The following LDLRAD4 variants were observed in gnomAD, a reference collection of about 807,000 sequenced individuals.
LDLRAD4 encodes low density lipoprotein receptor class A domain containing 4, also known as low-density lipoprotein receptor class A domain-containing protein 4.
Under a neutral mutation model 17.0 loss-of-function variants are expected in LDLRAD4, and 5 were observed. The ratio of observed to expected loss-of-function variants is 0.29; its 90% CI spans 0.15 to 0.62. LDLRAD4 has a LOEUF of 0.62. LDLRAD4 is among the 20% of genes least tolerant of loss of function. The pLI is 0.84. For missense variants in LDLRAD4, 340 were observed against 424.7 expected, an observed-to-expected ratio of 0.80 and a Z score of 1.75; for synonymous variants, 168 against 171.8, an observed-to-expected ratio of 0.98 and a Z score of 0.17.
intron 3 of LDLRAD4, among the ~76,000 whole-genome samples, chr18:13,576,840 A>G (rs543207610): frequency 1.3e-5 from 2 of 152,372 alleles, no homozygotes; most frequent in South Asian, 4.1e-4. Flanking sequence ...TGGCCATCTC[A>G]GGAGGGCCTG....
chr18:13,457,183 TG>T (rs1219145946), intron 3 of LDLRAD4, among the ~76,000 whole-genome samples: 1 of 152,236 alleles, frequency 6.6e-6, no homozygotes, highest in Non-Finnish European at 1.5e-5. Flanking sequence ...GGCTTCAGGT[TG>T]GGGTTCTCAC....
At position 13,390,589 on chromosome 18, in the gene LDLRAD4, A is replaced by C. The variant is rs575825926; in HGVS notation, c.40+2827A>C. 6.8e-4 allele frequency among the ~76,000 whole-genome samples: 103 copies of C among 152,284 alleles called. 1 individual carries two copies. The South Asian group carries it at 0.021, about 31-fold the overall frequency. ...TGGCTCACTTTAAAGTCTGGGAAGC[A>C]CTGGGAGCTGGCACCCAGCAGAGCA... On this transcript the variant is annotated intron_variant, in intron 2 of 5. Transcript: ENST00000359446.
intron 1 of LDLRAD4, among the ~76,000 whole-genome samples, chr18:13,322,186 CCTT>C (rs1217882787): frequency 6.6e-6 from 1 of 151,472 alleles, no homozygotes; most frequent in Non-Finnish European, 1.5e-5. Flanking sequence ...CTACATTATC[CCTT>C]CTTAATTTTT....
At chr18:13,395,051 T>C (rs887148872) in intron 2 of LDLRAD4, among the ~76,000 whole-genome samples, 3 of 152,156 alleles carry the variant, frequency 2.0e-5, no homozygotes, top group Non-Finnish European at 4.4e-5. Context: ...AAGGCATTGC[T>C]TCCAGGAGGA....
intron 4 of LDLRAD4, among the ~76,000 whole-genome samples, chr18:13,629,501 A>C (rs1485081827): frequency 1.3e-5 from 2 of 152,246 alleles, no homozygotes; most frequent in African/African-American, 4.8e-5. Context: ...GAATGTATTC[A>C]TGTATTACCT....
intron 3 of LDLRAD4, among the ~76,000 whole-genome samples, chr18:13,454,846 C>G (rs2092040064): frequency 6.6e-6 from 1 of 152,258 alleles, no homozygotes; most frequent in Non-Finnish European, 1.5e-5. Context: ...GATCAGACCA[C>G]TCCAAGCCCT....
At chr18:13,633,590 C>T (rs548707475) in intron 4 of LDLRAD4, among the ~76,000 whole-genome samples, 3 of 152,342 alleles carry the variant, frequency 2.0e-5, no homozygotes, top group South Asian at 2.1e-4. Context: ...GGCATATCAG[C>T]GCTGCCCCAA....
At chr18:13,444,951 G>A (rs183123777) in intron 3 of LDLRAD4, among the ~76,000 whole-genome samples, 13 of 152,316 alleles carry the variant, frequency 8.5e-5, no homozygotes, top group African/African-American at 3.1e-4. Flanking sequence ...CATAAGGCTG[G>A]TGCCCACAAA....
chr18:13,630,214 G>A (rs560436896), intron 4 of LDLRAD4, among the ~76,000 whole-genome samples: 1 of 152,258 alleles, frequency 6.6e-6, no homozygotes, highest in East Asian at 1.9e-4. Flanking sequence ...TTTCTCTTAA[G>A]GGACGTGCCC....
At chr18:13,610,131 T>C (rs1294996782) in intron 3 of LDLRAD4, among the ~76,000 whole-genome samples, 1 of 152,136 alleles carries the variant, frequency 6.6e-6, no homozygotes, top group Non-Finnish European at 1.5e-5. Flanking sequence ...TTTCTTTTTT[T>C]ATATATGAAA....
intron 1 of LDLRAD4, among the ~76,000 whole-genome samples, chr18:13,237,704 C>T (rs2042405150): frequency 6.6e-6 from 1 of 152,240 alleles, no homozygotes; most frequent in Non-Finnish European, 1.5e-5. Context: ...ACTGTGATCA[C>T]TCAAGACCTC....
At chr18:13,490,835 ATTTT>A in intron 3 of LDLRAD4, among the ~76,000 whole-genome samples, 1 of 152,128 alleles carries the variant, frequency 6.6e-6, no homozygotes, top group Non-Finnish European at 1.5e-5. Flanking sequence ...CAGGATGTGC[ATTTT>A]TGCACATCCT....
intron 1 of LDLRAD4, among the ~76,000 whole-genome samples, chr18:13,313,602 A>T (rs1227922534): frequency 6.6e-6 from 1 of 152,180 alleles, no homozygotes; most frequent in African/African-American, 2.4e-5. Flanking sequence ...CGCACGGGGA[A>T]CTCAAGTTAG....
At chr18:13,610,308 G>A (rs2039422615) in intron 3 of LDLRAD4, among the ~76,000 whole-genome samples, 1 of 33,312 alleles carries the variant, frequency 3.0e-5, no homozygotes, top group African/African-American at 8.5e-5. Context: ...TTTTTTTTGA[G>A]ACGGAGTCTC....
chr18:13,283,219 T>C (rs1321135907), intron 1 of LDLRAD4, among the ~76,000 whole-genome samples: 1 of 152,240 alleles, frequency 6.6e-6, no homozygotes, highest in African/African-American at 2.4e-5. Context: ...AGATTAACAT[T>C]AGGCTTCTTG....
chr18:13,445,568 ATG>A (rs949013000), intron 3 of LDLRAD4, among the ~76,000 whole-genome samples: 74 of 148,584 alleles, frequency 5.0e-4, no homozygotes, highest in East Asian at 2.4e-3. Flanking sequence ...GTGTTTGTGC[ATG>A]TGTGTGTGTA....
At chr18:13,356,103 C>G (rs1378133205) in intron 1 of LDLRAD4, among the ~76,000 whole-genome samples, 1 of 152,218 alleles carries the variant, frequency 6.6e-6, no homozygotes, top group African/African-American at 2.4e-5. Flanking sequence ...CAGCACAATC[C>G]CATGAGACCT....
intron 3 of LDLRAD4, among the ~76,000 whole-genome samples, chr18:13,617,366 T>A (rs2040190778): frequency 6.6e-6 from 1 of 152,222 alleles, no homozygotes; most frequent in Non-Finnish European, 1.5e-5. Flanking sequence ...ATGTTCCATG[T>A]GCTGTGTCAG....
chr18:13,347,347 A>T (rs1285577440), intron 1 of LDLRAD4, among the ~76,000 whole-genome samples: 1 of 152,152 alleles, frequency 6.6e-6, no homozygotes, highest in Non-Finnish European at 1.5e-5. Flanking sequence ...GTTTGGCTGG[A>T]TATGAAATTC....
Sources: allele counts gnomAD v4.1 joint callset (sites outside exome capture counted in the v4.1 genomes callset), GRCh38; gene constraint gnomAD v4.1.1; transcripts MANE v1.5; gene names NCBI Gene and HGNC (gene_info 2026-07-23, HGNC 2026-07-21).